TAOK1: variants seen among roughly 807,000 people sequenced by gnomAD.
TAOK1 encodes serine/threonine-protein kinase TAO1.
A neutral mutation model predicts 138.3 loss-of-function variants in TAOK1; 21 were observed. That is an observed-to-expected ratio of 0.15 (90% CI 0.11 to 0.22). TAOK1 has a LOEUF of 0.22. TAOK1 is among the 10% of genes least tolerant of loss of function. The probability of loss-of-function intolerance (pLI) is 1.00; values close to 1 mark genes in which losing one functional copy is unlikely to be tolerated. For synonymous variants in TAOK1, 361 were observed against 398.4 expected (o/e 0.91, Z 1.12); for missense variants, 651 against 1,227.7 (o/e 0.53, Z 7.02).
chr17:29,483,784 GTT>G (rs924378591), intron 8 of TAOK1, among the ~76,000 whole-genome samples: 1 of 152,148 alleles, frequency 6.6e-6, no homozygotes, highest in Non-Finnish European at 1.5e-5. Context: ...TTGCAAAACT[GTT>G]TCTTCCATTT....
intron 1 of TAOK1, among the ~76,000 whole-genome samples, chr17:29,419,217 A>T (rs573492427): frequency 5.3e-5 from 8 of 150,794 alleles, no homozygotes; most frequent in South Asian, 2.1e-4. Flanking sequence ...TCTTTTTGAG[A>T]TGGAGTTTCA....
At chr17:29,485,644 AC>A (rs2031156945) in intron 8 of TAOK1, among the ~76,000 whole-genome samples, 1 of 148,070 alleles carries the variant, frequency 6.8e-6, no homozygotes, top group South Asian at 2.1e-4. Context: ...TTCTAAACAA[AC>A]AAATTAATTA....
intron 8 of TAOK1, among the ~76,000 whole-genome samples, chr17:29,486,349 C>T (rs973255777): frequency 2.0e-5 from 3 of 151,970 alleles, no homozygotes; most frequent in Admixed American, 1.3e-4. Flanking sequence ...AATATTTGGC[C>T]GAGTGCAGTT....
intron 1 of TAOK1, among the ~76,000 whole-genome samples, chr17:29,417,953 T>C (rs1905309405): frequency 6.6e-6 from 1 of 152,170 alleles, no homozygotes; most frequent in South Asian, 2.1e-4. Context: ...AGTGGCGTGA[T>C]CATAGCTCAC....
chr17:29,412,967 G>T (rs1032933016), intron 1 of TAOK1, among the ~76,000 whole-genome samples: 1 of 152,160 alleles, frequency 6.6e-6, no homozygotes, highest in Non-Finnish European at 1.5e-5. Context: ...ATGCACATGT[G>T]CATTTTTCTA....
intron 1 of TAOK1, among the ~76,000 whole-genome samples, chr17:29,447,094 A>G (rs2030100993): frequency 6.7e-6 from 1 of 148,432 alleles, no homozygotes; most frequent in Non-Finnish European, 1.5e-5. Context: ...GCTGGAGTGC[A>G]GTGACTATTC....
rs1390550141 is a variant in TAOK1 at position 29,403,769 on chromosome 17, A to G, written c.-95+12745A>G. Reference sequence around the variant, plus strand: ...ACCCAGGCTGGAGTGTAGTGGCACAATCACAGCTCACTGCAGCCCTGACCT... The same window carrying G: ...ACCCAGGCTGGAGTGTAGTGGCACAGTCACAGCTCACTGCAGCCCTGACCT... On this transcript the variant is annotated intron_variant, in intron 1 of 19. Transcript: ENST00000261716. The G allele has an allele frequency of 2.6e-5, 4 of 152,114 alleles. No individual in the cohort carries two copies. The East Asian group carries it at 7.7e-4, about 29-fold the overall frequency. The allele number at this position is 152,114 out of a possible 1,614,324, so 9.4% of individuals were successfully genotyped here. A position where few individuals can be genotyped will look rare whatever the true frequency, so the allele number is the denominator to read the frequency against.
chr17:29,491,424 A>T (rs2031293517), intron 9 of TAOK1, among the ~76,000 whole-genome samples: 2 of 152,272 alleles, frequency 1.3e-5, no homozygotes, highest in African/African-American at 4.8e-5. Context: ...AGAGCTTATT[A>T]TAAGAAAGGC....
chr17:29,414,711 C>T (rs1227504965), intron 1 of TAOK1, among the ~76,000 whole-genome samples: 1 of 151,230 alleles, frequency 6.6e-6, no homozygotes. Context: ...CACGCACCAC[C>T]ATGCCCAGCT....
chr17:29,542,640 T>C lies in TAOK1; in HGVS notation c.2624T>C (p.Ile875Thr). The C allele has an allele frequency of 2.5e-6, 4 of 1,614,218 alleles. No individual in the cohort carries two copies. The highest frequency in any genetic ancestry group is 3.4e-6 in the Non-Finnish European group (4 of 1,180,040). ...CTGTTGGAACGTCAAGCCAGAGAGA[T>C]TGAAGCTTTTGACTCTGAAAGCATG... Reference protein sequence around the residue: ...RSLLERQAREIEAFDSESMRL... With the variant: ...RSLLERQARETEAFDSESMRL... Residue 875 changes from isoleucine (I) to threonine (T), a missense_variant, in exon 20 of 20, where the codon ATT becomes ACT. This residue lies in a region of TAOK1 where 258 missense variants were observed against 548.9 expected (regional missense o/e 0.47). Coordinates refer to ENST00000261716, the MANE Select transcript of TAOK1 (RefSeq NM_020791.4).
intron 2 of TAOK1, among the ~76,000 whole-genome samples, chr17:29,454,725 G>A (rs940911835): frequency 9.3e-5 from 14 of 150,498 alleles, no homozygotes; most frequent in African/African-American, 2.7e-4. Flanking sequence ...TTTTTGAGAC[G>A]GAGTCTCACC....
At chr17:29,478,136 G>A in intron 5 of TAOK1, 115 bp from the exon 6 acceptor site, 2 of 652,366 alleles carry the variant, frequency 3.1e-6, no homozygotes, top group Non-Finnish European at 2.5e-6. Flanking sequence ...TATCATCTTG[G>A]AAAATAAATC....
chr17:29,497,431 C>T (rs1442111481), intron 11 of TAOK1, among the ~76,000 whole-genome samples: 1 of 152,012 alleles, frequency 6.6e-6, no homozygotes, highest in Non-Finnish European at 1.5e-5. Context: ...TTGTTAACAA[C>T]ATCTGTGTTA....
chr17:29,509,394 GT>G (rs2031679459), intron 14 of TAOK1, among the ~76,000 whole-genome samples: 1 of 151,962 alleles, frequency 6.6e-6, no homozygotes, highest in South Asian at 2.1e-4. Context: ...TAGAAAAGGG[GT>G]TTCACCATGT....
chr17:29,398,612 C>T (rs1400681839), intron 1 of TAOK1, among the ~76,000 whole-genome samples: 2 of 152,220 alleles, frequency 1.3e-5, no homozygotes, highest in African/African-American at 4.8e-5. Context: ...TAACTGCAAC[C>T]TCAGCCTCCC....
intron 3 of TAOK1, among the ~76,000 whole-genome samples, chr17:29,467,805 T>G (rs1380308373): frequency 6.6e-6 from 1 of 151,310 alleles, no homozygotes; most frequent in Non-Finnish European, 1.5e-5. Context: ...GCTTTTATTT[T>G]TATTTATTTA....
chr17:29,453,781 G>A (rs1003579901), intron 2 of TAOK1, among the ~76,000 whole-genome samples: 10 of 150,030 alleles, frequency 6.7e-5, no homozygotes, highest in Non-Finnish European at 1.2e-4. Flanking sequence ...TGAGGTAGAG[G>A]TCTAACTTCA....
At chr17:29,534,404 C>G (rs1334450249) in intron 19 of TAOK1, 104 bp downstream of exon 19, 3 of 1,045,128 alleles carry the variant, frequency 2.9e-6, no homozygotes, top group African/African-American at 3.3e-5. Flanking sequence ...AGATTTCTTT[C>G]ACAATACCAC....
At chr17:29,533,005 A>AGTTGG (rs1567747434) in intron 18 of TAOK1, among the ~76,000 whole-genome samples, 4 of 68,476 alleles carry the variant, frequency 5.8e-5, no homozygotes, top group African/African-American at 2.3e-4. Context: ...CCCACCTCCA[A>AGTTGG]CCGGGCGGGG....
Sources: gnomAD v4.1 joint callset for allele counts (sites outside exome capture counted in the v4.1 genomes callset) on GRCh38, gnomAD v4.1.1 for gene constraint, gnomAD v4.1.1 regional missense constraint, MANE v1.5 for transcripts, NCBI Gene and HGNC (gene_info 2026-07-23, HGNC 2026-07-21) for gene names.